GABRR1: variants seen among roughly 807,000 people sequenced by gnomAD.
GABRR1 encodes the protein gamma-aminobutyric acid receptor subunit rho-1.
A neutral mutation model predicts 55.5 loss-of-function variants in GABRR1; 59 were observed. That is an observed-to-expected ratio of 1.06 (90% CI 0.86 to 1.32). The LOEUF (loss-of-function observed/expected upper bound fraction) is 1.32. Ranked by LOEUF, GABRR1 falls within the 40% of genes most tolerant of loss-of-function variation. The pLI, the probability that GABRR1 is intolerant of heterozygous loss-of-function variation, is 0.00. For synonymous variants in GABRR1, 213 were observed against 226.0 expected (o/e 0.94, Z 0.51); for missense variants, 602 against 619.1 (o/e 0.97, Z 0.29).
rs776677398 is a variant in GABRR1, at chr6:89,201,252, G to A, written c.187C>T (p.Arg63Ter). The change falls in exon 3 of 10, where the codon CGA becomes TGA. Residue 63 changes from arginine to a stop codon, truncating the protein, a stop_gained. Coordinates refer to ENST00000454853, the MANE Select transcript of GABRR1 (RefSeq NM_002042.5). LOFTEE classifies it high-confidence loss of function. ...GGCGATTTGGTGATGTCAGGACTTC[G>A]TCTCAGAATTGGGCTGCCAAGGGGG... ...AHKQVSPILR[R>*]SPDITKSPLT... 16 of 1,613,730 alleles carry A rather than the reference G, an allele frequency of 9.9e-6. No individual in the cohort carries two copies. Among genetic ancestry groups the A allele is most frequent in the Middle Eastern group, 1.7e-4 (1 of 6,060 alleles).
At chr6:89,205,176 A>G (rs1449436810) in intron 1 of GABRR1, among the ~76,000 whole-genome samples, 1 of 152,190 alleles carries the variant, frequency 6.6e-6, no homozygotes, top group Non-Finnish European at 1.5e-5. Context: ...ACTGAGATAC[A>G]AAGACTTTAA....
At chr6:89,211,980 A>C (rs1398147153) in intron 1 of GABRR1, 2 of 214,208 alleles carry the variant, frequency 9.3e-6, no homozygotes, top group Non-Finnish European at 1.6e-5. Context: ...TTTAAATCTA[A>C]TTCTCTAGGC....
chr6:89,199,460 T>A (rs989612898), intron 3 of GABRR1, 31 bp from the exon 4 acceptor site: 1 of 1,604,456 alleles, frequency 6.2e-7, no homozygotes. Context: ...GAGCATTCAC[T>A]GTTTTTACTT....
intron 5 of GABRR1, among the ~76,000 whole-genome samples, chr6:89,196,275 T>C (rs184452836): frequency 1.5e-3 from 234 of 152,366 alleles, no homozygotes; most frequent in Non-Finnish European, 2.3e-3. Flanking sequence ...AAGAGCATTA[T>C]ACGTCCTTTA....
intron 1 of GABRR1, among the ~76,000 whole-genome samples, chr6:89,215,831 A>G (rs1436007342): frequency 6.6e-6 from 1 of 152,234 alleles, no homozygotes; most frequent in East Asian, 1.9e-4. Context: ...AATGTTTTAA[A>G]TAAATTATTT....
chr6:89,223,988 C>G (rs1773156031), intron 1 of GABRR1, among the ~76,000 whole-genome samples: 2 of 151,800 alleles, frequency 1.3e-5, no homozygotes, highest in Non-Finnish European at 1.5e-5. Flanking sequence ...ATCTCGATCT[C>G]TTGACCTCAT....
rs541919159 is a variant in GABRR1 at position 89,183,211 on chromosome 6, A to G, written c.797-1154T>C. On this transcript the variant is annotated intron_variant, in intron 7 of 9. Coordinates refer to ENST00000454853, the MANE Select transcript of GABRR1 (RefSeq NM_002042.5). ...ATGCGTGAGATGCCTAGGACTAAAA[A>G]TAAAATGGATGGGGACTTGGCAATA... 8.5e-5 allele frequency among the ~76,000 whole-genome samples: 13 copies of G among 152,080 alleles called. 1 individual carries two copies. The South Asian group carries it at 2.7e-3, about 32-fold the overall frequency.
intron 9 of GABRR1, 97 bp downstream of exon 9, chr6:89,180,195 T>C (rs1771672646): frequency 3.0e-6 from 4 of 1,329,048 alleles, no homozygotes; most frequent in Non-Finnish European, 3.1e-6. Context: ...GAGGGTATCA[T>C]GACCTTGCTT....
rs1196080371 is a variant in GABRR1, at chr6:89,198,007, C to T, written c.572+13G>A. 41 of 1,607,148 alleles carry T rather than the reference C, an allele frequency of 2.6e-5. No homozygotes were observed. The highest frequency in any genetic ancestry group is 3.3e-5 in the Non-Finnish European group (39 of 1,173,960). On this transcript the variant is annotated intron_variant, in intron 5 of 9. Coordinates refer to ENST00000454853, the MANE Select transcript of GABRR1 (RefSeq NM_002042.5). ...TTTCTTGGTTAATATGAATGATCTG[C>T]CTTTCTTCCTACCTGAGACTATAGA...
intron 1 of GABRR1, among the ~76,000 whole-genome samples, chr6:89,205,254 G>C (rs1364223898): frequency 4.6e-5 from 7 of 152,308 alleles, no homozygotes; most frequent in Non-Finnish European, 7.4e-5. Flanking sequence ...TGGAAGCAAG[G>C]CTGGCCACAG....
chr6:89,216,903 TA>T (rs2127809331), intron 1 of GABRR1, among the ~76,000 whole-genome samples: 1 of 152,350 alleles, frequency 6.6e-6, no homozygotes, highest in South Asian at 2.1e-4. Context: ...TTGCCCTTGA[TA>T]TTTTTTTTAA....
rs1772357222 is a variant in GABRR1, at chr6:89,198,084, C to T, written c.508G>A (p.Asp170Asn). Residue 170 changes from aspartate to asparagine, a missense_variant, in exon 5 of 10, where the codon GAC becomes AAC. Coordinates refer to ENST00000454853, the MANE Select transcript of GABRR1 (RefSeq NM_002042.5). The part of the protein sequence containing the change: ...FVHSKRSFIH[D>N]TTTDNVMLRV... ...AACATGACGTTGTCTGTGGTGGTGT[C>T]GTGGATGAAGGAGCGTTTGGAGTGC... The T allele has an allele frequency of 4.3e-6, 7 of 1,614,042 alleles. No individual in the cohort carries two copies. The highest frequency in any genetic ancestry group is 4.5e-5 in the East Asian group (2 of 44,874).
rs201245362 is a variant in GABRR1 at position 89,190,146 on chromosome 6, C to T, written c.655+19G>A. ...TTATCAGGAGCTGTGTGCTGATGCC[C>T]GGGGACAAGTCTACTCACAGCTTTC... On this transcript the variant is annotated intron_variant, in intron 6 of 9. Coordinates refer to ENST00000454853, the MANE Select transcript of GABRR1 (RefSeq NM_002042.5). 5.7e-6 allele frequency: 9 copies of T among 1,581,990 alleles called. No homozygotes were observed. In the Admixed American group the frequency reaches 8.6e-5, roughly 15 times the overall value.
At chr6:89,225,112 AGATTT>A (rs1323619911) in intron 1 of GABRR1, among the ~76,000 whole-genome samples, 2 of 152,174 alleles carry the variant, frequency 1.3e-5, no homozygotes, top group Non-Finnish European at 2.9e-5. Flanking sequence ...TTCAGGTCTT[AGATTT>A]AAGTCCTTGA....
chr6:89,210,182 ATTTTTTTTTT>A (rs60158472), intron 1 of GABRR1, among the ~76,000 whole-genome samples: 5 of 80,178 alleles, frequency 6.2e-5, no homozygotes, highest in African/African-American at 2.7e-4. Flanking sequence ...TTCTGCAGCA[ATTTTTTTTTT>A]TTTTTTTTTT....
chr6:89,221,673 G>A (rs1433656357), upstream of GABRR1, among the ~76,000 whole-genome samples: 3 of 152,096 alleles, frequency 2.0e-5, no homozygotes, highest in Non-Finnish European at 4.4e-5. Flanking sequence ...CCTTGGTACC[G>A]AGGGATGACT....
chr6:89,202,047 G>C (rs1302176906), intron 2 of GABRR1, among the ~76,000 whole-genome samples: 2 of 152,118 alleles, frequency 1.3e-5, no homozygotes, highest in African/African-American at 4.8e-5. Context: ...ACTGTGGAGG[G>C]AGCGGGACCT....
At chr6:89,202,003 G>A (rs184695607) in intron 2 of GABRR1, among the ~76,000 whole-genome samples, 3 of 152,228 alleles carry the variant, frequency 2.0e-5, no homozygotes, top group East Asian at 3.9e-4. Flanking sequence ...CAGTGAGTAC[G>A]GTCTGAGCCT....
At chr6:89,208,623 A>G (rs13215029) in intron 1 of GABRR1, among the ~76,000 whole-genome samples, 29,400 of 152,204 alleles carry the variant, frequency 0.19, 3,398 homozygotes, top group African/African-American at 0.32. Context: ...GAAGAAGAAG[A>G]AGGAATTTGC....
Sources: gnomAD v4.1 joint callset for allele counts (sites outside exome capture counted in the v4.1 genomes callset) on GRCh38, gnomAD v4.1.1 for gene constraint, MANE v1.5 for transcripts, NCBI Gene and HGNC (gene_info 2026-07-23, HGNC 2026-07-21) for gene names.